SPIDR: variants seen among roughly 807,000 people sequenced by gnomAD.
The protein encoded by SPIDR is scaffold protein involved in DNA repair.
A neutral mutation model predicts 104.6 loss-of-function variants in SPIDR; 93 were observed. That is an observed-to-expected ratio of 0.89 (90% CI 0.75 to 1.06). The LOEUF is 1.06. Ranked by LOEUF, SPIDR falls within the 50% of genes least tolerant of loss-of-function variation. The pLI, the probability that SPIDR is intolerant of heterozygous loss-of-function variation, is 0.00. For synonymous variants in SPIDR, 431 were observed against 416.9 expected (o/e 1.03, Z -0.41); for missense variants, 1,154 against 1,111.2 (o/e 1.04, Z -0.55).
chr8:47,323,201 A>G (rs559151289), intron 5 of SPIDR, among the ~76,000 whole-genome samples: 1 of 152,152 alleles, frequency 6.6e-6, no homozygotes, highest in Non-Finnish European at 1.5e-5. Flanking sequence ...TTGGTGATGT[A>G]TATATTGGTT....
chr8:47,673,414 G>A, intron 10 of SPIDR: 1 of 458,324 alleles, frequency 2.2e-6, no homozygotes, highest in South Asian at 1.5e-5. Context: ...TTTCTTTCAT[G>A]GGAAACGGTA....
At chr8:47,672,341 T>G (rs2075905538) in intron 10 of SPIDR, among the ~76,000 whole-genome samples, 1 of 152,202 alleles carries the variant, frequency 6.6e-6, no homozygotes, top group African/African-American at 2.4e-5. Flanking sequence ...TATTATTGCT[T>G]CCCCTCCTCT....
intron 8 of SPIDR, among the ~76,000 whole-genome samples, chr8:47,588,033 ATATATATATATATATATATAT>A (rs1564407055): frequency 0.026 from 615 of 23,298 alleles, 66 homozygotes; most frequent in Non-Finnish European, 0.029. Flanking sequence ...TAGCATATAT[ATATATATATATATATATATAT>A]ATATATATAT....
At chr8:47,492,148 A>G (rs782646967) in intron 8 of SPIDR, among the ~76,000 whole-genome samples, 2 of 152,156 alleles carry the variant, frequency 1.3e-5, no homozygotes, top group East Asian at 1.9e-4. Context: ...CTGGGTGGAC[A>G]TGATGTGCCA....
intron 8 of SPIDR, among the ~76,000 whole-genome samples, chr8:47,572,525 G>C (rs1285319554): frequency 6.6e-6 from 1 of 152,102 alleles, no homozygotes; most frequent in African/African-American, 2.4e-5. Flanking sequence ...AGCTGGGCAT[G>C]GTGGCGGACA....
At chr8:47,308,410 T>C (rs1205434006) in intron 5 of SPIDR, among the ~76,000 whole-genome samples, 3 of 151,736 alleles carry the variant, frequency 2.0e-5, no homozygotes, top group Non-Finnish European at 4.4e-5. Flanking sequence ...TGTTTATTTT[T>C]ATTGTTTGAG....
At chr8:47,364,752 A>G (rs1446660776) in intron 5 of SPIDR, among the ~76,000 whole-genome samples, 1 of 152,220 alleles carries the variant, frequency 6.6e-6, no homozygotes, top group Non-Finnish European at 1.5e-5. Flanking sequence ...TCCAAAAAAA[A>G]GTCTGTTAAA....
intron 1 of SPIDR, among the ~76,000 whole-genome samples, chr8:47,268,902 C>A (rs1433690344): frequency 6.6e-6 from 1 of 152,174 alleles, no homozygotes; most frequent in Non-Finnish European, 1.5e-5. Context: ...CATGGTGGCT[C>A]ACACCAGTAA....
intron 5 of SPIDR, among the ~76,000 whole-genome samples, chr8:47,366,214 G>C (rs1320446352): frequency 6.6e-6 from 1 of 152,084 alleles, no homozygotes; most frequent in Non-Finnish European, 1.5e-5. Flanking sequence ...CTGAAGGTGG[G>C]GTCAGAAGGT....
intron 6 of SPIDR, among the ~76,000 whole-genome samples, chr8:47,396,984 C>T (rs1244144138): frequency 6.6e-6 from 1 of 151,886 alleles, no homozygotes; most frequent in Non-Finnish European, 1.5e-5. Context: ...GCCAGGGCAA[C>T]ACTTGCAAGT....
At chr8:47,528,233 G>A (rs1490010214) in intron 8 of SPIDR, 1 of 152,156 alleles carries the variant, frequency 6.6e-6, no homozygotes, top group Non-Finnish European at 1.5e-5. Flanking sequence ...AGGAATCCTT[G>A]ATACTTTCCC....
intron 10 of SPIDR, among the ~76,000 whole-genome samples, chr8:47,649,328 A>G (rs79025007): frequency 0.036 from 5,553 of 152,266 alleles, 151 homozygotes; most frequent in Middle Eastern, 0.068. Flanking sequence ...ATGATAGATC[A>G]ACTGAATCTC....
chr8:47,296,975 G>A (rs958500716), intron 5 of SPIDR, among the ~76,000 whole-genome samples: 1 of 151,982 alleles, frequency 6.6e-6, no homozygotes, highest in African/African-American at 2.4e-5. Flanking sequence ...CTTCTAAGTT[G>A]CTTTTTCTCG....
At chr8:47,468,271 T>C (rs1363825923) in intron 8 of SPIDR, among the ~76,000 whole-genome samples, 2 of 152,340 alleles carry the variant, frequency 1.3e-5, no homozygotes, top group East Asian at 3.9e-4. Context: ...AACATGACCA[T>C]ACTGCCAAAA....
intron 10 of SPIDR, among the ~76,000 whole-genome samples, chr8:47,619,631 T>C (rs950616867): frequency 6.6e-6 from 1 of 151,670 alleles, no homozygotes; most frequent in Non-Finnish European, 1.5e-5. Flanking sequence ...TTTTTTTTTT[T>C]TAAGGGATGG....
chr8:47,621,613 C>T (rs1262443130), intron 10 of SPIDR, among the ~76,000 whole-genome samples: 1 of 152,226 alleles, frequency 6.6e-6, no homozygotes, highest in Admixed American at 6.5e-5. Context: ...CCGTCTGGCA[C>T]AGAGCTGTGT....
intron 8 of SPIDR, among the ~76,000 whole-genome samples, chr8:47,448,165 A>T (rs1214119669): frequency 2.0e-5 from 3 of 152,042 alleles, no homozygotes; most frequent in Non-Finnish European, 4.4e-5. Flanking sequence ...CCTTCCCAAT[A>T]CTCATGCTTC....
At chr8:47,668,819 A>G (rs2075373468) in intron 10 of SPIDR, among the ~76,000 whole-genome samples, 1 of 152,250 alleles carries the variant, frequency 6.6e-6, no homozygotes, top group African/African-American at 2.4e-5. Flanking sequence ...GCAACACACA[A>G]CAACAAACAA....
chr8:47,389,056 A>G (rs2060267274), intron 5 of SPIDR, among the ~76,000 whole-genome samples: 1 of 152,234 alleles, frequency 6.6e-6, no homozygotes, highest in South Asian at 2.1e-4. Context: ...CAAGGAGGAA[A>G]AAAAGTCCTG....
Sources: gnomAD v4.1 joint callset for allele counts (sites outside exome capture counted in the v4.1 genomes callset) on GRCh38, gnomAD v4.1.1 for gene constraint, MANE v1.5 for transcripts, NCBI Gene and HGNC (gene_info 2026-07-23, HGNC 2026-07-21) for gene names.